Variants in TRPC5 observed in about 807,000 individuals in gnomAD.
TRPC5 encodes short transient receptor potential channel 5.
TRPC5 carries 9 observed loss-of-function variants against 56.5 expected under a neutral mutation model. The ratio of observed to expected loss-of-function variants is 0.16; its 90% CI spans 0.10 to 0.28. The LOEUF (loss-of-function observed/expected upper bound fraction) is 0.28, where lower values mean the gene tolerates loss of function less well. Ranked by LOEUF, TRPC5 falls within the 10% of genes least tolerant of loss-of-function variation. TRPC5 has a pLI of 1.00. For missense variants in TRPC5, 469 were observed against 748.9 expected, an observed-to-expected ratio of 0.63 and a Z score of 4.36; for synonymous variants, 282 against 278.5, an observed-to-expected ratio of 1.01 and a Z score of -0.13.
In TRPC5 at chrX:111,912,698, G is replaced by A. The variant is rs1381104201; in HGVS notation, c.493C>T (p.Arg165Trp). 4 of 1,210,792 alleles carry A rather than the reference G, an allele frequency of 3.3e-6. No homozygotes were observed. Among genetic ancestry groups the A allele is most frequent in the African/African-American group, 1.7e-5 (1 of 57,636 alleles). The change falls in exon 3 of 11, where the codon CGG becomes TGG. Residue 165 changes from arginine (R) to tryptophan (W), a missense_variant. Arg to Trp is a moderately radical substitution (Grantham distance 101). Around this residue, in one of 3 missense-constraint regions of TRPC5, gnomAD observed 118 missense variants for 167.1 expected, o/e 0.71. Transcript: ENST00000262839. ...TGGTGGGGCCGTGGGATAGTGACCC[G>A]TTTTTGGACAAGCAATTTGATGATT... is the stretch of plus-strand genomic sequence containing the variant. ...YEIIKLLVQK[R>W]VTIPRPHQIR...
chrX:112,069,121 C>G (rs1930656224), intron 1 of TRPC5, among the ~76,000 whole-genome samples: 1 of 111,693 alleles, frequency 9.0e-6, no homozygotes, highest in Admixed American at 9.5e-5. Flanking sequence ...CTATGCTAAG[C>G]ACTATTATTT....
chrX:111,847,010 G>T, intron 6 of TRPC5, 104 bp downstream of exon 6: 1 of 861,437 alleles, frequency 1.2e-6, no homozygotes, highest in Non-Finnish European at 1.6e-6. Flanking sequence ...TCACAGTCAA[G>T]TGGCAGTGAT....
At chrX:111,851,326 A>G (rs1247174721) in intron 5 of TRPC5, among the ~76,000 whole-genome samples, 3 of 111,834 alleles carry the variant, frequency 2.7e-5, no homozygotes, top group Non-Finnish European at 5.6e-5. Context: ...AATCTTGGAG[A>G]CTGAATTGTC....
chrX:111,841,282 A>G (rs1922721973), intron 6 of TRPC5, among the ~76,000 whole-genome samples: 3 of 112,098 alleles, frequency 2.7e-5, no homozygotes, highest in African/African-American at 9.7e-5. Context: ...TCGTGTGTTC[A>G]TGATTATTGC....
chrX:111,783,522 A>C (rs1945936945), intron 7 of TRPC5, among the ~76,000 whole-genome samples: 1 of 111,079 alleles, frequency 9.0e-6, no homozygotes, highest in South Asian at 3.7e-4. Context: ...CAAATGGCTA[A>C]TGATGTTGAG....
intron 1 of TRPC5, among the ~76,000 whole-genome samples, chrX:112,023,519 C>T (rs746982484): frequency 1.8e-5 from 2 of 109,444 alleles, no homozygotes; most frequent in African/African-American, 3.3e-5. Context: ...GTATAAGAGG[C>T]TTCCTGTCAG....
intron 1 of TRPC5, among the ~76,000 whole-genome samples, chrX:111,957,913 C>A (rs991722984): frequency 8.9e-6 from 1 of 111,797 alleles, no homozygotes; most frequent in Non-Finnish European, 1.9e-5. Context: ...AAGTATTCAA[C>A]TTTAAGTGTT....
chrX:111,943,589 C>T (rs1012847400), intron 2 of TRPC5, among the ~76,000 whole-genome samples: 4 of 112,431 alleles, frequency 3.6e-5, no homozygotes, highest in Non-Finnish European at 7.5e-5. Flanking sequence ...CCCAGAGGGG[C>T]GGGCCATGGG....
intron 3 of TRPC5, among the ~76,000 whole-genome samples, chrX:111,901,247 C>T (rs924814228): frequency 1.7e-4 from 19 of 111,570 alleles, no homozygotes; most frequent in African/African-American, 6.2e-4. Context: ...TAATAATTGA[C>T]AGACCCTGCG....
rs1050487275 is a variant in TRPC5 at position 111,772,435 on chromosome X, C to T, written c.*3878G>A. 1.8e-5 allele frequency among the ~76,000 whole-genome samples: 2 copies of T among 111,172 alleles called. No homozygotes were observed. Among genetic ancestry groups the T allele is most frequent in the African/African-American group, 6.5e-5 (2 of 30,599 alleles). On this transcript the variant is annotated 3_prime_UTR_variant, in exon 11 of 11. Transcript: ENST00000262839. ...AAATATACTCAATTTTTCTTAGGTA[C>T]CTTTATTTATTTATTTTTGAGACAG...
At chrX:111,860,198 A>G (rs778980430) in intron 3 of TRPC5, among the ~76,000 whole-genome samples, 5 of 112,605 alleles carry the variant, frequency 4.4e-5, no homozygotes, top group Non-Finnish European at 7.5e-5. Context: ...GTGAGCCACT[A>G]CGCCTGGCCT....
intron 1 of TRPC5, 88 bp from the exon 2 acceptor site, chrX:111,952,529 G>T (rs1927122367): frequency 1.1e-6 from 1 of 928,413 alleles, no homozygotes; most frequent in Non-Finnish European, 1.5e-6. Context: ...CTGCTAAGGG[G>T]TTAGAAAATC....
At chrX:111,844,784 G>A (rs1922879742) in intron 6 of TRPC5, among the ~76,000 whole-genome samples, 1 of 110,093 alleles carries the variant, frequency 9.1e-6, no homozygotes, top group African/African-American at 3.3e-5. Flanking sequence ...CTTTTTTTAT[G>A]TGGAAGAAAA....
intron 1 of TRPC5, among the ~76,000 whole-genome samples, chrX:112,047,689 T>C (rs775394377): frequency 6.2e-5 from 7 of 112,229 alleles, no homozygotes; most frequent in Admixed American, 1.9e-4. Flanking sequence ...AAAAGGAGAC[T>C]ATTTATTCCA....
At chrX:111,962,305 C>T (rs1927406378) in intron 1 of TRPC5, among the ~76,000 whole-genome samples, 1 of 112,282 alleles carries the variant, frequency 8.9e-6, no homozygotes, top group South Asian at 3.7e-4. Context: ...GATCCAAAGT[C>T]CCTTCCCCTC....
chrX:111,850,032 A>C lies in TRPC5; in HGVS notation c.1377+2266T>G, dbSNP rs555336209. 4.5e-5 allele frequency among the ~76,000 whole-genome samples: 5 copies of C among 112,053 alleles called. No homozygotes were observed. The South Asian group carries it at 1.9e-3, about 42-fold the overall frequency. On this transcript the variant is annotated intron_variant, in intron 5 of 10. Coordinates refer to ENST00000262839, the MANE Select transcript of TRPC5 (RefSeq NM_012471.3). The stretch of plus-strand genomic sequence containing the variant: ...GCAAAATATGAAGAGGAACAGCCTA[A>C]TGTGGGGACTCAATAGTAATAAGAA...
Position 111,998,487 on chromosome X carries a change from A to G in TRPC5, c.-21-46046T>C, listed in dbSNP as rs576860959. On this transcript the variant is annotated intron_variant, in intron 1 of 10. Transcript: ENST00000262839. ...TCAGTATATGTGAAGGGTTGGTTCC[A>G]GGACCCTTGTATTCCAAAATCCAAA... 4.2e-4 allele frequency among the ~76,000 whole-genome samples: 47 copies of G among 111,691 alleles called. 2 individuals are homozygous for G. The South Asian group carries it at 0.018, about 42-fold the overall frequency.
At chrX:111,834,222 C>T (rs1209673656) in intron 7 of TRPC5, among the ~76,000 whole-genome samples, 1 of 111,634 alleles carries the variant, frequency 9.0e-6, no homozygotes, top group African/African-American at 3.3e-5. Context: ...CATGATGGTG[C>T]AAAAAAATTC....
At chrX:112,064,424 G>A (rs1241821765) in intron 1 of TRPC5, among the ~76,000 whole-genome samples, 3 of 111,817 alleles carry the variant, frequency 2.7e-5, no homozygotes, top group Non-Finnish European at 1.9e-5. Flanking sequence ...CCAGTCAGTC[G>A]ACAAGTGTAG....
Sources: gnomAD v4.1 joint callset for allele counts (sites outside exome capture counted in the v4.1 genomes callset) on GRCh38, gnomAD v4.1.1 for gene constraint, gnomAD v4.1.1 regional missense constraint, MANE v1.5 for transcripts, NCBI Gene and HGNC (gene_info 2026-07-23, HGNC 2026-07-21) for gene names.